The following MTHFD1L variants were observed in gnomAD, a reference collection of about 807,000 sequenced individuals.
The protein encoded by MTHFD1L is methylenetetrahydrofolate dehydrogenase (NADP+ dependent) 1 like, also known as monofunctional C1-tetrahydrofolate synthase, mitochondrial.
Under a neutral mutation model 119.5 loss-of-function variants are expected in MTHFD1L, and 81 were observed. The observed-to-expected ratio is 0.68, with a 90% CI of 0.57 to 0.82. MTHFD1L has a LOEUF of 0.82. Ranked by LOEUF, MTHFD1L falls within the 40% of genes least tolerant of loss-of-function variation. The pLI, the probability that MTHFD1L is intolerant of heterozygous loss-of-function variation, is 0.00. For missense variants in MTHFD1L, 1,125 were observed against 1,253.4 expected, an observed-to-expected ratio of 0.90 and a Z score of 1.55; for synonymous variants, 430 against 475.2, an observed-to-expected ratio of 0.90 and a Z score of 1.24.
intron 24 of MTHFD1L, among the ~76,000 whole-genome samples, chr6:151,031,503 T>C (rs539927812): frequency 2.6e-5 from 4 of 152,374 alleles, no homozygotes; most frequent in Admixed American, 2.0e-4. Context: ...CTAAGGTTCA[T>C]CCATGAAGGC....
At chr6:151,002,645 G>A (rs1212918598) in intron 20 of MTHFD1L, among the ~76,000 whole-genome samples, 2 of 152,142 alleles carry the variant, frequency 1.3e-5, no homozygotes, top group East Asian at 1.9e-4. Flanking sequence ...TACTGTTGAC[G>A]CAACACATCC....
At chr6:150,949,852 C>T (rs1034583836) in intron 16 of MTHFD1L, among the ~76,000 whole-genome samples, 5 of 152,106 alleles carry the variant, frequency 3.3e-5, no homozygotes, top group Admixed American at 6.6e-5. Flanking sequence ...TCGAGCAGGT[C>T]GCATGCATGT....
At chr6:151,041,193 G>A (rs1349284752) in intron 26 of MTHFD1L, among the ~76,000 whole-genome samples, 1 of 152,200 alleles carries the variant, frequency 6.6e-6, no homozygotes, top group African/African-American at 2.4e-5. Context: ...GGCCCTAGAG[G>A]GCTGCTTTCT....
chr6:150,899,702 A>G (rs1258881610), intron 7 of MTHFD1L, among the ~76,000 whole-genome samples: 3 of 152,168 alleles, frequency 2.0e-5, no homozygotes, highest in African/African-American at 7.2e-5. Context: ...GGCTGGGTGC[A>G]GTGGCTCACG....
intron 27 of MTHFD1L, among the ~76,000 whole-genome samples, chr6:151,097,544 A>G (rs1173475741): frequency 1.3e-5 from 2 of 152,210 alleles, no homozygotes; most frequent in Admixed American, 1.3e-4. Context: ...TGGAAGCTAA[A>G]AAGCTTACCC....
intron 8 of MTHFD1L, among the ~76,000 whole-genome samples, chr6:150,909,125 A>G (rs1786432693): frequency 6.6e-6 from 1 of 152,156 alleles, no homozygotes; most frequent in South Asian, 2.1e-4. Context: ...CTGATGGCTA[A>G]TATCCCAGAC....
rs71554488 is a variant in MTHFD1L at position 150,916,292 on chromosome 6, C to CTTTT, written c.893-2261_893-2258dup. On this transcript the variant is annotated intron_variant, in intron 8 of 27. Coordinates refer to ENST00000367321, the MANE Select transcript of MTHFD1L (RefSeq NM_015440.5). The stretch of plus-strand genomic sequence containing the variant: ...AGTGATGAAGGAAGGAAGGTAGAAT[C>CTTTT]TTTTTTTTTTTTTTTTTTTTTTTTT... Among the ~76,000 whole-genome samples, 14 of 39,982 alleles carry CTTTT rather than the reference C, an allele frequency of 3.5e-4. 1 individual carries two copies. Among genetic ancestry groups the CTTTT allele is most frequent in the East Asian group, 1.6e-3 (2 of 1,262 alleles). The allele number at this position is 39,982 out of a possible 152,430, so 26.2% of individuals were successfully genotyped here.
In MTHFD1L at chr6:151,038,161, G is replaced by A. The variant is rs73008817; in HGVS notation, c.2847+1044G>A. Among the ~76,000 whole-genome samples, 208 of 152,260 alleles carry A rather than the reference G, an allele frequency of 1.4e-3. 1 individual carries two copies. The highest frequency in any genetic ancestry group is 2.3e-3 in the Non-Finnish European group (158 of 68,022). ...ATTTTAGGATGAGCAGGTGTGAGAC[G>A]CATGGGTTTGAATAGCACAGAGGTA... On this transcript the variant is annotated intron_variant, in intron 26 of 27. Transcript: ENST00000367321.
intron 20 of MTHFD1L, among the ~76,000 whole-genome samples, chr6:150,976,929 A>G (rs1776667039): frequency 1.3e-5 from 2 of 152,250 alleles, no homozygotes; most frequent in Admixed American, 6.5e-5. Context: ...TTTCACTTCT[A>G]TGTATACTCT....
intron 27 of MTHFD1L, among the ~76,000 whole-genome samples, chr6:151,093,058 C>A (rs1287929834): frequency 6.6e-6 from 1 of 152,208 alleles, no homozygotes; most frequent in African/African-American, 2.4e-5. Flanking sequence ...GTATCGCAAA[C>A]TGGGTGGCTT....
chr6:150,866,376 G>C, intron 1 of MTHFD1L: 1 of 1,406,556 alleles, frequency 7.1e-7, no homozygotes, highest in Non-Finnish European at 9.2e-7. Flanking sequence ...CGCGCCGGGC[G>C]CGACCCAGAC....
chr6:150,901,258 C>T (rs1008582000), intron 7 of MTHFD1L, among the ~76,000 whole-genome samples: 1 of 152,082 alleles, frequency 6.6e-6, no homozygotes, highest in Non-Finnish European at 1.5e-5. Flanking sequence ...CACTTGAGCC[C>T]AGGAATTCAA....
intron 8 of MTHFD1L, among the ~76,000 whole-genome samples, chr6:150,907,170 A>G (rs868595245): frequency 6.6e-6 from 1 of 152,158 alleles, no homozygotes; most frequent in African/African-American, 2.4e-5. Flanking sequence ...TAAAGTTTTC[A>G]TGTAGGACAG....
In MTHFD1L at chr6:150,925,924, G is replaced by T. The variant is rs571915084; in HGVS notation, c.1083-198G>T. ...CTAGGATCTTTGTGAGTTTTTTGGA[G>T]TTGCATTTCTAAAATGATACACCAT... On this transcript the variant is annotated intron_variant, in intron 10 of 27. Coordinates refer to ENST00000367321, the MANE Select transcript of MTHFD1L (RefSeq NM_015440.5). Among the ~76,000 whole-genome samples, 3 of 152,170 alleles carry T rather than the reference G, an allele frequency of 2.0e-5. No individual in the cohort carries two copies. In the East Asian group the frequency reaches 5.8e-4, roughly 29 times the overall value.
chr6:150,972,173 C>G, intron 20 of MTHFD1L, 115 bp downstream of exon 20: 1 of 882,838 alleles, frequency 1.1e-6, no homozygotes, highest in South Asian at 1.7e-5. Flanking sequence ...CAGGCACCCT[C>G]TTTCATAGAG....
In MTHFD1L at chr6:150,936,822, T is replaced by C; in HGVS notation, c.1275T>C (p.Leu425=). The C allele has an allele frequency of 6.2e-7, 1 of 1,613,758 alleles. No individual in the cohort carries two copies. The highest frequency in any genetic ancestry group is 8.5e-7 in the Non-Finnish European group (1 of 1,179,752). Residue 425 remains leucine (L), a synonymous_variant, in exon 12 of 28, where the codon CTT becomes CTC. Coordinates refer to ENST00000367321, the MANE Select transcript of MTHFD1L (RefSeq NM_015440.5). ...AACTCAGGATCACACCCACCCCTCT[T>C]GGAGAAGGGAAGAGCACAGTCACCA... ...VLVAGITPTP[L]GEGKSTVTIG... is the part of the protein sequence containing the mutation.
chr6:150,980,567 T>A (rs512171), intron 20 of MTHFD1L, among the ~76,000 whole-genome samples: 81,615 of 151,924 alleles, frequency 0.54, 23,254 homozygotes, highest in African/African-American at 0.71. Context: ...TGTCCTTTAG[T>A]TTTTTTGTTT....
chr6:150,945,764 T>A (rs1209819048), intron 15 of MTHFD1L, among the ~76,000 whole-genome samples: 1 of 152,048 alleles, frequency 6.6e-6, no homozygotes, highest in Non-Finnish European at 1.5e-5. Flanking sequence ...TTAATTAACC[T>A]TTTTTGGTCT....
At chr6:151,087,295 A>G (rs1793909717) in intron 26 of MTHFD1L, among the ~76,000 whole-genome samples, 1 of 151,318 alleles carries the variant, frequency 6.6e-6, no homozygotes, top group Non-Finnish European at 1.5e-5. Context: ...ATAAATAAAT[A>G]ATAAAATTGT....
Sources: gnomAD v4.1 joint callset for allele counts (sites outside exome capture counted in the v4.1 genomes callset) on GRCh38, gnomAD v4.1.1 for gene constraint, MANE v1.5 for transcripts, NCBI Gene and HGNC (gene_info 2026-07-23, HGNC 2026-07-21) for gene names.